CLDN18: variants seen among roughly 807,000 people sequenced by gnomAD.
CLDN18 encodes claudin-18.
In CLDN18, 20 loss-of-function variants were observed where a neutral mutation model predicts 25.0. The observed-to-expected ratio is 0.80, with a 90% CI of 0.56 to 1.16. The LOEUF (loss-of-function observed/expected upper bound fraction) is 1.16. Among genes scored for constraint, CLDN18 ranks in the 50% most tolerant of loss-of-function variants. CLDN18 has a pLI of 0.00. For missense variants in CLDN18, 297 were observed against 345.4 expected (o/e 0.86, Z 1.11); for synonymous variants, 125 against 135.6 (o/e 0.92, Z 0.54).
At chr3:138,003,642 C>T (rs557370741) in intron 1 of CLDN18, among the ~76,000 whole-genome samples, 6 of 151,952 alleles carry the variant, frequency 3.9e-5, no homozygotes, top group East Asian at 3.9e-4. Flanking sequence ...TTAAAGATTT[C>T]GTGGAAATAT....
chr3:138,014,091 A>G lies in CLDN18; in HGVS notation c.220+3646A>G, dbSNP rs1412321043. Among the ~76,000 whole-genome samples the G allele has an allele frequency of 2.6e-5, 4 of 152,136 alleles. No individual in the cohort carries two copies. The East Asian group carries it at 7.7e-4, about 29-fold the overall frequency. On this transcript the variant is annotated intron_variant, in intron 1 of 4. Coordinates refer to ENST00000183605, the MANE Select transcript of CLDN18 (RefSeq NM_016369.4). The stretch of plus-strand genomic sequence containing the variant: ...GGGAAGGTGAGAAGGAAGAAAGTAG[A>G]GAGGAAGAGAGGGAGGAAGAGAGGT...
chr3:138,005,815 AAG>A (rs1393274762), upstream of CLDN18, among the ~76,000 whole-genome samples: 3 of 152,216 alleles, frequency 2.0e-5, no homozygotes. Context: ...TCTATCCTAA[AAG>A]AGTCATCAGA....
intron 1 of CLDN18, among the ~76,000 whole-genome samples, chr3:138,018,756 A>G (rs1293770250): frequency 2.0e-5 from 3 of 152,176 alleles, no homozygotes; most frequent in Non-Finnish European, 4.4e-5. Flanking sequence ...GGAAACACAC[A>G]TTCAAATCAT....
intron 1 of CLDN18, among the ~76,000 whole-genome samples, chr3:138,020,921 T>C (rs917862955): frequency 2.0e-5 from 3 of 152,214 alleles, no homozygotes; most frequent in Admixed American, 6.5e-5. Context: ...AACAATGTGC[T>C]GTGATGGAAA....
upstream of CLDN18, chr3:138,009,861 G>T (rs1032420784): frequency 1.9e-5 from 5 of 261,354 alleles, no homozygotes; most frequent in Non-Finnish European, 3.7e-5. Context: ...GTTCCCCGTG[G>T]TGGGGACACG....
Position 138,024,673 on chromosome 3 carries a change from C to T in CLDN18, c.452C>T (p.Thr151Ile). ...NMLVTNFWMS[T>I]ANMYTGMGGM... ...CTGGTGACTAACTTCTGGATGTCCA[C>T]AGCTAACATGTACACCGGCATGGGT... Residue 151 changes from threonine (T) to isoleucine (I), a missense_variant, in exon 3 of 5, where the codon ACA (threonine) becomes ATA (isoleucine). By Grantham distance (89) the Thr-to-Ile change is moderately conservative (BLOSUM62 -1). Coordinates refer to ENST00000183605, the MANE Select transcript of CLDN18 (RefSeq NM_016369.4). 1.2e-6 allele frequency: 2 copies of T among 1,613,780 alleles called. No homozygotes were observed. Among genetic ancestry groups the T allele is most frequent in the Non-Finnish European group, 1.7e-6 (2 of 1,179,690 alleles).
Position 138,023,670 on chromosome 3 carries a change from C to T in CLDN18, c.233C>T (p.Ala78Val), listed in dbSNP as rs746038647. The change falls in exon 2 of 5, where the codon GCA becomes GTA. Residue 78 changes from alanine (A) to valine (V), a missense_variant. Transcript: ENST00000183605. The stretch of plus-strand genomic sequence containing the variant: ...CCTTGTCCCACAGCCATGCTGCAGG[C>T]AGTGCGAGCCCTGATGATCGTAGGC... The part of the protein sequence containing the change: ...TILGLPAMLQ[A>V]VRALMIVGIV... The T allele has an allele frequency of 1.2e-5, 20 of 1,613,598 alleles. No individual in the cohort carries two copies. In the African/African-American group the frequency reaches 2.7e-4, roughly 22 times the overall value.
Position 138,024,587 on chromosome 3 carries a change from T to C in CLDN18, c.386-20T>C. 6.7e-7 allele frequency: 1 copy of C among 1,486,012 alleles called. No individual in the cohort carries two copies. Among genetic ancestry groups the C allele is most frequent in the Non-Finnish European group, 9.4e-7 (1 of 1,063,762 alleles). 92.1% of individuals were successfully genotyped at this position (1,486,012 alleles called of 1,614,324 possible). A position where few individuals can be genotyped will look rare whatever the true frequency, so the allele number is the denominator to read the frequency against. On this transcript the variant is annotated intron_variant, in intron 2 of 4. Transcript: ENST00000183605. ...ATCCCTTGAAACTAACTCTGGAGTT[T>C]TCTTTTTCTTTGCCCACAGGTCTTT...
exon 1 of CLDN18, chr3:137,998,875 G>A (rs1261948319): frequency 2.5e-6 from 4 of 1,614,170 alleles, no homozygotes; most frequent in Non-Finnish European, 3.4e-6. Context: ...CACCATGGCC[G>A]TGACTGCCTG....
At chr3:138,019,529 C>T (rs1445073935) in intron 1 of CLDN18, among the ~76,000 whole-genome samples, 1 of 152,228 alleles carries the variant, frequency 6.6e-6, no homozygotes, top group Non-Finnish European at 1.5e-5. Flanking sequence ...ATCATCCTCA[C>T]TCCCACTTCC....
At chr3:138,014,188 A>G (rs1942174772) in intron 1 of CLDN18, among the ~76,000 whole-genome samples, 1 of 152,188 alleles carries the variant, frequency 6.6e-6, no homozygotes, top group African/African-American at 2.4e-5. Context: ...GAGAGAAGCC[A>G]GTTGCCACTC....
chr3:138,031,279 G>A lies in CLDN18; in HGVS notation c.*138G>A. Reference sequence around the variant, plus strand: ...AAAGCCTCGATTTCATCTTTGGAGAGGCCAAATGGTCTTAGCCTCAGTCTC... The same window carrying A: ...AAAGCCTCGATTTCATCTTTGGAGAAGCCAAATGGTCTTAGCCTCAGTCTC... On this transcript the variant is annotated 3_prime_UTR_variant, in exon 5 of 5. Transcript: ENST00000183605. 2.9e-6 allele frequency: 2 copies of A among 678,516 alleles called. No individual in the cohort carries two copies. Among genetic ancestry groups the A allele is most frequent in the South Asian group, 2.6e-5 (1 of 38,192 alleles). 42.0% of individuals were successfully genotyped at this position (678,516 alleles called of 1,614,324 possible).
upstream of CLDN18, among the ~76,000 whole-genome samples, chr3:138,008,220 G>T (rs1349627489): frequency 5.5e-5 from 8 of 144,886 alleles, no homozygotes; most frequent in African/African-American, 1.5e-4. Flanking sequence ...ATGTATGTGG[G>T]GGGGGAGTGT....
intron 1 of CLDN18, among the ~76,000 whole-genome samples, chr3:138,022,720 C>T (rs1265086584): frequency 6.6e-6 from 1 of 152,212 alleles, no homozygotes; most frequent in Non-Finnish European, 1.5e-5. Flanking sequence ...ACATGAAGGA[C>T]TAATTTGTCT....
chr3:138,008,268 T>C (rs1419568471), upstream of CLDN18, among the ~76,000 whole-genome samples: 1 of 151,652 alleles, frequency 6.6e-6, no homozygotes, highest in African/African-American at 2.4e-5. Context: ...TGTGTGTATG[T>C]TTCAGGGCCT....
chr3:138,024,620 T>G lies in CLDN18; in HGVS notation c.399T>G (p.Ile133Met). The G allele has an allele frequency of 2.5e-6, 4 of 1,610,428 alleles. No homozygotes were observed. Among genetic ancestry groups the G allele is most frequent in the Non-Finnish European group, 3.4e-6 (4 of 1,176,604 alleles). The change falls in exon 3 of 5, where the codon ATT becomes ATG. Residue 133 changes from isoleucine (I) to methionine (M), a missense_variant. Coordinates refer to ENST00000183605, the MANE Select transcript of CLDN18 (RefSeq NM_016369.4). ...CTTTGCCCACAGGTCTTTGTGCAATTGCTGGAGTGTCTGTGTTTGCCAACA... is the reference window on the plus strand; with the variant it reads ...CTTTGCCCACAGGTCTTTGTGCAATGGCTGGAGTGTCTGTGTTTGCCAACA... ...IMFIVSGLCA[I>M]AGVSVFANML...
intron 1 of CLDN18, among the ~76,000 whole-genome samples, chr3:138,020,055 T>C (rs116670530): frequency 0.014 from 2,122 of 152,310 alleles, 37 homozygotes; most frequent in African/African-American, 0.047. Context: ...TACCTGCTAC[T>C]TGCTTTGTGG....
At chr3:138,005,928 TA>T (rs1269042409), upstream of CLDN18, among the ~76,000 whole-genome samples, 1 of 152,164 alleles carries the variant, frequency 6.6e-6, no homozygotes, top group African/African-American at 2.4e-5. Flanking sequence ...AATAAGTGAA[TA>T]ATAGCACTTC....
Position 138,023,718 on chromosome 3 carries a change from T to C in CLDN18, c.281T>C (p.Leu94Pro). 6.2e-7 allele frequency: 1 copy of C among 1,614,148 alleles called. No homozygotes were observed. Among genetic ancestry groups the C allele is most frequent in the Non-Finnish European group, 8.5e-7 (1 of 1,180,012 alleles). ...IVGIVLGAIG[L>P]LVSIFALKCI... Reference sequence around the variant, plus strand: ...GGCATCGTCCTGGGTGCCATTGGCCTCCTGGTATCCATCTTTGCCCTGAAA... The same window carrying C: ...GGCATCGTCCTGGGTGCCATTGGCCCCCTGGTATCCATCTTTGCCCTGAAA... Residue 94 changes from leucine to proline, a missense_variant, in exon 2 of 5, where the codon CTC becomes CCC. Leu to Pro is a moderately conservative substitution (Grantham distance 98, BLOSUM62 -3). Transcript: ENST00000183605.
Sources: gnomAD v4.1 joint callset for allele counts (sites outside exome capture counted in the v4.1 genomes callset) on GRCh38, gnomAD v4.1.1 for gene constraint, MANE v1.5 for transcripts, NCBI Gene and HGNC (gene_info 2026-07-23, HGNC 2026-07-21) for gene names.